Variants in COL1A1 observed in about 807,000 individuals in gnomAD.
COL1A1 encodes collagen type I alpha 1 chain, also known as collagen alpha-1(I) chain.
In COL1A1, 21 loss-of-function variants were observed where a neutral mutation model predicts 195.7. The observed-to-expected ratio is 0.11, with a 90% CI of 0.08 to 0.15. COL1A1 has a LOEUF of 0.15. Among genes scored for constraint, COL1A1 ranks in the 10% least tolerant of loss-of-function variants. The pLI is 1.00. For synonymous variants in COL1A1, 749 were observed against 747.3 expected (o/e 1.00, Z -0.04); for missense variants, 1,365 against 2,051.0 (o/e 0.67, Z 6.46).
In COL1A1 at chr17:50,194,039, A is replaced by C. The variant is rs756482025; in HGVS notation, c.1671T>G (p.Gly557=). The change falls in exon 25 of 51, where the codon GGT becomes GGG. Residue 557 remains glycine, a splice_region_variant and synonymous_variant. Coordinates refer to ENST00000225964, the MANE Select transcript of COL1A1 (RefSeq NM_000088.4). The surrounding 1 kb of genome is among the most constrained non-coding windows in gnomAD (Gnocchi z 6.8). The stretch of plus-strand genomic sequence containing the variant: ...CGGGGCGACCATCTTGACCGGCGGG[A>C]CCCTAAGGATGGGAGGCACGAAAGC... The part of the protein sequence containing the change: ...PGPDGKTGPP[G]PAGQDGRPGP... The C allele has an allele frequency of 6.2e-7, 1 of 1,613,522 alleles. No individual in the cohort carries two copies. The highest frequency in any genetic ancestry group is 1.1e-5 in the South Asian group (1 of 91,006).
In COL1A1 at chr17:50,189,595, T is replaced by C. The variant is rs1363219470; in HGVS notation, c.2668-57A>G. 3.7e-6 allele frequency: 6 copies of C among 1,611,414 alleles called. No individual in the cohort carries two copies. The Admixed American group carries it at 8.4e-5, about 22-fold the overall frequency. ...CAGGGGGCTCTGGTGCATCATTGGG[T>C]CCTCAGTCAGCCCCACCATCCTTCT... On this transcript the variant is annotated intron_variant, in intron 38 of 50. Coordinates refer to ENST00000225964, the MANE Select transcript of COL1A1 (RefSeq NM_000088.4). This position sits in a 1 kb window ranked among gnomAD's most constrained non-coding sequence, Gnocchi z 5.5.
chr17:50,186,378 C>A lies in COL1A1; in HGVS notation c.3944G>T (p.Ser1315Ile), dbSNP rs1391247648. 20 of 1,614,110 alleles carry A rather than the reference C, an allele frequency of 1.2e-5. No individual in the cohort carries two copies. The highest frequency in any genetic ancestry group is 4.0e-5 in the African/African-American group (3 of 74,934). Residue 1315 changes from serine (S) to isoleucine (I), a missense_variant, in exon 49 of 51, where the codon AGC (serine) becomes ATC (isoleucine). Ser to Ile is a moderately radical substitution (Grantham distance 142). Transcript: ENST00000225964. This position sits in a 1 kb window ranked among gnomAD's most constrained non-coding sequence, Gnocchi z 5.3. The stretch of plus-strand genomic sequence containing the variant: ...ATGCCTCTTGTCCTTGGGGTTCTTG[C>A]TGATGTACCAGTTCTTCTGGGCCAC... ...PSVAQKNWYI[S>I]KNPKDKRHVW...
At position 50,189,585 on chromosome 17, in the gene COL1A1, C is replaced by A. The variant is rs41316689; in HGVS notation, c.2668-47G>T. The A allele has an allele frequency of 1.8e-3, 2,852 of 1,612,318 alleles. 27 individuals carry two copies. Among genetic ancestry groups the A allele is most frequent in the Middle Eastern group, 0.016 (94 of 6,060 alleles). ...TGTCAGACTCCAGGGGGCTCTGGTGCATCATTGGGTCCTCAGTCAGCCCCA... is the reference window on the plus strand; with the variant it reads ...TGTCAGACTCCAGGGGGCTCTGGTGAATCATTGGGTCCTCAGTCAGCCCCA... On this transcript the variant is annotated intron_variant, in intron 38 of 50. Transcript: ENST00000225964. The surrounding 1 kb of genome is among the most constrained non-coding windows in gnomAD (Gnocchi z 5.5).
chr17:50,190,161 T>C lies in COL1A1; in HGVS notation c.2452-53A>G. The C allele has an allele frequency of 2.1e-6, 3 of 1,459,818 alleles. No individual in the cohort carries two copies. In the South Asian group the frequency reaches 3.4e-5, roughly 17 times the overall value. The allele number at this position is 1,459,818 out of a possible 1,614,324, so 90.4% of individuals were successfully genotyped here. ...GAGGGAAGGAGGCAGGAGTTTCCAC[T>C]ACCTGGGGGAGGAGCAGTAATGGAG... On this transcript the variant is annotated intron_variant, in intron 35 of 50. Coordinates refer to ENST00000225964, the MANE Select transcript of COL1A1 (RefSeq NM_000088.4). This position sits in a 1 kb window ranked among gnomAD's most constrained non-coding sequence, Gnocchi z 4.7.
At position 50,185,565 on chromosome 17, in the gene COL1A1, G is replaced by A; in HGVS notation, c.4332C>T (p.Pro1444=). 1 of 1,613,930 alleles carries A rather than the reference G, an allele frequency of 6.2e-7. No individual in the cohort carries two copies. Among genetic ancestry groups the A allele is most frequent in the African/African-American group, 1.3e-5 (1 of 74,952 alleles). The stretch of plus-strand genomic sequence containing the variant: ...CCTGGTCTGGGGCACCAACGTCCAA[G>A]GGGGCCACATCGATGATGGGCAGGC... ...TSRLPIIDVA[P]LDVGAPDQEF... is the part of the protein sequence containing the mutation. The change falls in exon 51 of 51, where the codon CCC becomes CCT. Residue 1444 remains proline, a synonymous_variant. Transcript: ENST00000225964.
chr17:50,193,407 A>T, intron 25 of COL1A1: 1 of 398,352 alleles, frequency 2.5e-6, no homozygotes, highest in Non-Finnish European at 4.6e-6. Flanking sequence ...GAGGGCCACC[A>T]ACAACACTTA....
chr17:50,187,821 C>G (rs532961779), intron 45 of COL1A1, 55 bp downstream of exon 45: 1,315 of 1,465,108 alleles, frequency 9.0e-4, no homozygotes, highest in Middle Eastern at 2.2e-3. Context: ...GGCGAAGCTC[C>G]CCCTCCTATC....
Position 50,186,178 on chromosome 17 carries a change from T to C in COL1A1, c.4005+139A>G, listed in dbSNP as rs2734276. ...TCGGCAGCCTGTGTCTGAACCACTA[T>C]CAGGGACCTGAGACCCCTGCCTCCC... On this transcript the variant is annotated intron_variant, in intron 49 of 50. Coordinates refer to ENST00000225964, the MANE Select transcript of COL1A1 (RefSeq NM_000088.4). This position sits in a 1 kb window ranked among gnomAD's most constrained non-coding sequence, Gnocchi z 5.3. 6.6e-7 allele frequency: 1 copy of C among 1,505,782 alleles called. No homozygotes were observed. Among genetic ancestry groups the C allele is most frequent in the African/African-American group, 1.4e-5 (1 of 72,754 alleles). The allele number at this position is 1,505,782 out of a possible 1,614,324, so 93.3% of individuals were successfully genotyped here.
At position 50,192,456 on chromosome 17, in the gene COL1A1, G is replaced by C; in HGVS notation, c.1983+19C>G. 6.3e-7 allele frequency: 1 copy of C among 1,592,808 alleles called. No individual in the cohort carries two copies. The highest frequency in any genetic ancestry group is 8.6e-7 in the Non-Finnish European group (1 of 1,169,320). On this transcript the variant is annotated intron_variant, in intron 29 of 50. Transcript: ENST00000225964. Reference sequence around the variant, plus strand: ...ATTCCCTGCATCTCCCACCCCTCTGGCCGGCTGCTCCCTCTTACCTGTTCA... The same window carrying C: ...ATTCCCTGCATCTCCCACCCCTCTGCCCGGCTGCTCCCTCTTACCTGTTCA...
In COL1A1 at chr17:50,186,859, T is replaced by C. The variant is rs776355079; in HGVS notation, c.3595A>G (p.Ser1199Gly). ...PGPPSAGFDFSFLPQPPQEKA... is the reference protein window; with the variant it reads ...PGPPSAGFDFGFLPQPPQEKA... ...TCTTGAGGTGGCTGGGGCAGGAAGC[T>C]GAAGTCGAAACCAGCGCTGGGAGGA... The change falls in exon 48 of 51, where the codon AGC becomes GGC. Residue 1199 changes from serine to glycine, a missense_variant. Ser to Gly is a moderately conservative substitution (Grantham distance 56). Transcript: ENST00000225964. The surrounding 1 kb of genome is among the most constrained non-coding windows in gnomAD (Gnocchi z 5.3). The C allele has an allele frequency of 1.4e-5, 22 of 1,613,808 alleles. No homozygotes were observed. In the East Asian group the frequency reaches 4.5e-4, roughly 33 times the overall value.
Position 50,190,519 on chromosome 17 carries a change from T to A in COL1A1, c.2397+24A>T, listed in dbSNP as rs979715097. On this transcript the variant is annotated intron_variant, in intron 34 of 50. Transcript: ENST00000225964. The surrounding 1 kb of genome is among the most constrained non-coding windows in gnomAD (Gnocchi z 4.7). ...AGGGAGGGAAGGGCCAAGTATGGGG[T>A]CTTAACAGGTCTTCTGTACTTACGG... The A allele has an allele frequency of 1.2e-6, 2 of 1,612,146 alleles. No individual in the cohort carries two copies. The highest frequency in any genetic ancestry group is 2.7e-5 in the African/African-American group (2 of 74,596).
intron 25 of COL1A1, chr17:50,193,472 T>G: frequency 4.0e-6 from 1 of 247,154 alleles, no homozygotes; most frequent in South Asian, 5.6e-5. Context: ...ATTTTTTCTT[T>G]CTTTCTTTCT....
At chr17:50,198,571 G>A in intron 5 of COL1A1, 67 bp from the exon 6 acceptor site, 1 of 1,247,516 alleles carries the variant, frequency 8.0e-7, no homozygotes, top group Non-Finnish European at 1.2e-6. Flanking sequence ...CACTGAGGAT[G>A]GAAGAAACTG....
At position 50,200,403 on chromosome 17, in the gene COL1A1, G is replaced by A. The variant is rs1025256775; in HGVS notation, c.104-456C>T. 7.9e-5 allele frequency among the ~76,000 whole-genome samples: 12 copies of A among 152,266 alleles called. No individual in the cohort carries two copies. In the East Asian group the frequency reaches 1.5e-3, roughly 20 times the overall value. ...CATCCCGCCCCCATTCCCTGGGCAG[G>A]TGGGGTGGCGGGGGCGGGGCTAGGA... On this transcript the variant is annotated intron_variant, in intron 1 of 50. Coordinates refer to ENST00000225964, the MANE Select transcript of COL1A1 (RefSeq NM_000088.4).
rs1243865633 is a variant in COL1A1 at position 50,184,563 on chromosome 17, C to T, written c.*939G>A. On this transcript the variant is annotated 3_prime_UTR_variant, in exon 51 of 51. Coordinates refer to ENST00000225964, the MANE Select transcript of COL1A1 (RefSeq NM_000088.4). ...CATTTGCTGGCCTGGGGGGGCATCT[C>T]AATTTCTATAGCACCAGTGATTCCC... The T allele has an allele frequency of 1.3e-5, 3 of 230,804 alleles. No homozygotes were observed. Among genetic ancestry groups the T allele is most frequent in the Admixed American group, 1.1e-4 (2 of 17,668 alleles). The allele number at this position is 230,804 out of a possible 1,614,324, so 14.3% of individuals were successfully genotyped here.
At position 50,190,981 on chromosome 17, in the gene COL1A1, T is replaced by C. The variant is rs1190857976; in HGVS notation, c.2236-57A>G. The C allele has an allele frequency of 1.3e-6, 2 of 1,525,522 alleles. No individual in the cohort carries two copies. The highest frequency in any genetic ancestry group is 1.8e-6 in the Non-Finnish European group (2 of 1,104,164). 94.5% of individuals were successfully genotyped at this position (1,525,522 alleles called of 1,614,324 possible). ...TGTGGGGCAAGGAGGTGACCTATAG[T>C]GTTCTGCTTGTGTCTGGGTTTCCTG... On this transcript the variant is annotated intron_variant, in intron 32 of 50. Transcript: ENST00000225964. The surrounding 1 kb of genome is among the most constrained non-coding windows in gnomAD (Gnocchi z 4.7).
chr17:50,192,564 G>T, intron 28 of COL1A1, 36 bp from the exon 29 acceptor site: 4 of 1,614,082 alleles, frequency 2.5e-6, no homozygotes, highest in East Asian at 2.2e-5. Context: ...GGGAGGGAAG[G>T]TTTAGAATCT....
At position 50,190,757 on chromosome 17, in the gene COL1A1, G is replaced by T. The variant is rs1166002728; in HGVS notation, c.2343+60C>A. The T allele has an allele frequency of 6.5e-7, 1 of 1,534,456 alleles. No individual in the cohort carries two copies. The highest frequency in any genetic ancestry group is 9.0e-7 in the Non-Finnish European group (1 of 1,108,774). ...TCCCAACGCAACCCCACGGAACCGT[G>T]CCCAGGCCTGCTGAGGAGGCTATGT... On this transcript the variant is annotated intron_variant, in intron 33 of 50. Coordinates refer to ENST00000225964, the MANE Select transcript of COL1A1 (RefSeq NM_000088.4). The surrounding 1 kb of genome is among the most constrained non-coding windows in gnomAD (Gnocchi z 4.7).
At position 50,188,388 on chromosome 17, in the gene COL1A1, TGGA is replaced by T; in HGVS notation, c.3207+139_3207+141del. 1.1e-6 allele frequency: 1 copy of T among 950,460 alleles called. No homozygotes were observed. Among genetic ancestry groups the T allele is most frequent in the African/African-American group, 1.6e-5 (1 of 61,394 alleles). 58.9% of individuals were successfully genotyped at this position (950,460 alleles called of 1,614,324 possible). ...GGGGCTGAGCTTTAACTCAGTTTTT[TGGA>T]TTAAGGCCCTGACATCTTGCAGGAT... On this transcript the variant is annotated intron_variant, in intron 43 of 50. Transcript: ENST00000225964. The surrounding 1 kb of genome is among the most constrained non-coding windows in gnomAD (Gnocchi z 5.6).
Sources: gnomAD v4.1 joint callset for allele counts (sites outside exome capture counted in the v4.1 genomes callset) on GRCh38, gnomAD v4.1.1 for gene constraint, Gnocchi (gnomAD v3.1) non-coding constraint, MANE v1.5 for transcripts, NCBI Gene and HGNC (gene_info 2026-07-23, HGNC 2026-07-21) for gene names.